The following DACH2 variants were observed in gnomAD, a reference collection of about 807,000 sequenced individuals.
DACH2 encodes dachshund family transcription factor 2.
A neutral mutation model predicts 35.8 loss-of-function variants in DACH2; 17 were observed. The ratio of observed to expected loss-of-function variants is 0.48; its 90% CI spans 0.33 to 0.71. DACH2 has a LOEUF of 0.71. Ranked by LOEUF, DACH2 falls within the 30% of genes least tolerant of loss-of-function variation. The pLI is 0.02. For synonymous variants in DACH2, 195 were observed against 177.3 expected (o/e 1.10, Z -0.79); for missense variants, 469 against 472.7 (o/e 0.99, Z 0.07).
chrX:86,717,366 A>T (rs984541916), intron 6 of DACH2, among the ~76,000 whole-genome samples: 1 of 111,188 alleles, frequency 9.0e-6, no homozygotes, highest in Non-Finnish European at 1.9e-5. Context: ...TGCTTAAGAT[A>T]ATGGCCTCCA....
At chrX:86,286,294 A>AT (rs1569330379) in intron 1 of DACH2, among the ~76,000 whole-genome samples, 1 of 107,567 alleles carries the variant, frequency 9.3e-6, no homozygotes, top group Non-Finnish European at 1.9e-5. Context: ...CGCCCGGCTA[A>AT]TTTTTTGTAT....
intron 3 of DACH2, among the ~76,000 whole-genome samples, chrX:86,562,186 T>C (rs2039231225): frequency 9.0e-6 from 1 of 111,077 alleles, no homozygotes; most frequent in East Asian, 2.9e-4. Context: ...ACTATTGTAC[T>C]GTGGCCTGTC....
rs1000587517 is a variant in DACH2, at chrX:86,318,058, C to T, written c.489-58766C>T. Among the ~76,000 whole-genome samples, 20 of 112,262 alleles carry T rather than the reference C, an allele frequency of 1.8e-4. 1 individual carries two copies. The highest frequency in any genetic ancestry group is 3.6e-4 in the African/African-American group (11 of 30,897). ...CAAAACGAAATGGATTCTTATTGCA[C>T]TGATGCAAACAACTATATTGTTATA... is the stretch of plus-strand genomic sequence containing the variant. On this transcript the variant is annotated intron_variant, in intron 1 of 11. Coordinates refer to ENST00000373125, the MANE Select transcript of DACH2 (RefSeq NM_053281.3).
Position 86,706,527 on chromosome X carries a change from T to C in DACH2, c.932-8021T>C, listed in dbSNP as rs1602824731. Among the ~76,000 whole-genome samples the C allele has an allele frequency of 6.3e-5, 7 of 110,820 alleles. No individual in the cohort carries two copies. In the Admixed American group the frequency reaches 6.8e-4, roughly 11 times the overall value. ...TTTAATTTTTAAAATATTAAAAATT[T>C]TAATTAAAATTTTAAATTCTTCTTA... On this transcript the variant is annotated intron_variant, in intron 5 of 11. Transcript: ENST00000373125.
At chrX:86,380,608 A>G (rs145429799) in intron 2 of DACH2, among the ~76,000 whole-genome samples, 4,982 of 110,212 alleles carry the variant, frequency 0.045, 147 homozygotes, top group East Asian at 0.2. Flanking sequence ...ACATTTTGCT[A>G]CACTTAATCC....
At chrX:86,371,763 A>G (rs1482305361) in intron 1 of DACH2, among the ~76,000 whole-genome samples, 1 of 111,226 alleles carries the variant, frequency 9.0e-6, no homozygotes, top group Non-Finnish European at 1.9e-5. Context: ...AACAGTGGAA[A>G]TGCAACAGTT....
chrX:86,455,923 C>A (rs2037467022), intron 2 of DACH2, among the ~76,000 whole-genome samples: 1 of 112,206 alleles, frequency 8.9e-6, no homozygotes, highest in South Asian at 3.7e-4. Flanking sequence ...GGCTGTTCTG[C>A]TGAGACTCCA....
chrX:86,321,769 T>G (rs1040665901), intron 1 of DACH2, among the ~76,000 whole-genome samples: 3 of 112,513 alleles, frequency 2.7e-5, no homozygotes, highest in Non-Finnish European at 5.6e-5. Flanking sequence ...ATAGCATCTC[T>G]GCATGTAAGA....
At chrX:86,810,366 A>T (rs1415836149) in intron 7 of DACH2, among the ~76,000 whole-genome samples, 1 of 111,049 alleles carries the variant, frequency 9.0e-6, no homozygotes, top group African/African-American at 3.3e-5. Context: ...TATTTTAAGA[A>T]CTCTCTCCTT....
chrX:86,654,191 A>AGT (rs2040513131), intron 4 of DACH2, among the ~76,000 whole-genome samples: 3 of 70,310 alleles, frequency 4.3e-5, no homozygotes, highest in African/African-American at 1.9e-4. Flanking sequence ...TTTTAGTAAA[A>AGT]AAAAAAAAAA....
intron 3 of DACH2, among the ~76,000 whole-genome samples, chrX:86,634,133 C>A (rs2040234869): frequency 9.0e-6 from 1 of 110,648 alleles, no homozygotes; most frequent in South Asian, 3.8e-4. Flanking sequence ...GGAAGTGCCA[C>A]ACACCTTTAA....
chrX:86,411,036 A>ATATATATATATG (rs768655432), intron 2 of DACH2, among the ~76,000 whole-genome samples: 2 of 79,963 alleles, frequency 2.5e-5, no homozygotes, highest in African/African-American at 4.3e-5. Flanking sequence ...ATATATATAT[A>ATATATATATATG]TATGTATATA....
intron 1 of DACH2, among the ~76,000 whole-genome samples, chrX:86,337,157 G>A (rs761034095): frequency 9.0e-6 from 1 of 111,182 alleles, no homozygotes; most frequent in South Asian, 3.8e-4. Flanking sequence ...GACTCTTCAG[G>A]ATATTACCCA....
At chrX:86,186,047 G>T (rs752100342) in intron 1 of DACH2, among the ~76,000 whole-genome samples, 16 of 112,389 alleles carry the variant, frequency 1.4e-4, no homozygotes, top group Non-Finnish European at 3.0e-4. Flanking sequence ...CTGAACCTCA[G>T]GGAAATTAGG....
chrX:86,604,680 A>C (rs765984562), intron 3 of DACH2, among the ~76,000 whole-genome samples: 95 of 111,509 alleles, frequency 8.5e-4, no homozygotes, highest in African/African-American at 2.8e-3. Context: ...TTACCAGCTG[A>C]TCTTAAAATA....
intron 2 of DACH2, among the ~76,000 whole-genome samples, chrX:86,458,402 G>A (rs2037512476): frequency 9.0e-6 from 1 of 111,560 alleles, no homozygotes; most frequent in Non-Finnish European, 1.9e-5. Context: ...AGTGTCAGGG[G>A]CTGATAAAAT....
intron 3 of DACH2, among the ~76,000 whole-genome samples, chrX:86,515,389 G>C (rs1360406259): frequency 9.1e-6 from 1 of 110,257 alleles, no homozygotes; most frequent in Non-Finnish European, 1.9e-5. Flanking sequence ...GCATTGGACA[G>C]ATGCAGAATC....
intron 3 of DACH2, among the ~76,000 whole-genome samples, chrX:86,620,703 A>G (rs1250849688): frequency 9.1e-6 from 1 of 110,161 alleles, no homozygotes; most frequent in Non-Finnish European, 1.9e-5. Context: ...TGATTGAGAG[A>G]CTGTGGAAGG....
intron 6 of DACH2, among the ~76,000 whole-genome samples, chrX:86,718,425 A>C: frequency 9.0e-6 from 1 of 111,334 alleles, no homozygotes; most frequent in East Asian, 2.8e-4. Context: ...CCCATTCTAT[A>C]GGTTGCCTGT....
Sources: allele counts gnomAD v4.1 joint callset (sites outside exome capture counted in the v4.1 genomes callset), GRCh38; gene constraint gnomAD v4.1.1; transcripts MANE v1.5; gene names NCBI Gene and HGNC (gene_info 2026-07-23, HGNC 2026-07-21).